FNDC1: variants seen among roughly 807,000 people sequenced by gnomAD.
FNDC1 encodes the protein fibronectin type III domain containing 1.
FNDC1 carries 96 observed loss-of-function variants against 168.0 expected under a neutral mutation model. The ratio of observed to expected loss-of-function variants is 0.57; its 90% CI spans 0.48 to 0.68. FNDC1 has a LOEUF of 0.68. Ranked by LOEUF, FNDC1 falls within the 30% of genes least tolerant of loss-of-function variation. FNDC1 has a pLI of 0.00. For synonymous variants in FNDC1, 1,099 were observed against 1,025.9 expected (o/e 1.07, Z -1.36); for missense variants, 2,587 against 2,482.1 (o/e 1.04, Z -0.90).
At chr6:159,203,633 A>G (rs568314603) in intron 4 of FNDC1, among the ~76,000 whole-genome samples, 31 of 152,336 alleles carry the variant, frequency 2.0e-4, no homozygotes, top group Non-Finnish European at 4.3e-4. Flanking sequence ...CTGGGATGGA[A>G]ACCTGTATCC....
Position 159,229,922 on chromosome 6 carries a change from C to T in FNDC1, c.1288C>T (p.Arg430Cys), listed in dbSNP as rs1017876993. Residue 430 changes from arginine to cysteine, a missense_variant, in exon 10 of 23, where the codon CGC (arginine) becomes TGC (cysteine). Coordinates refer to ENST00000297267, the MANE Select transcript of FNDC1 (RefSeq NM_032532.3). ...ALVDGLQPGE[R>C]YLFKIRATNR... ...GGTGGATGGTCTGCAGCCTGGGGAA[C>T]GCTATCTTTTCAAAATCCGGGCCAC... 16 of 1,613,800 alleles carry T rather than the reference C, an allele frequency of 9.9e-6. No homozygotes were observed. Among genetic ancestry groups the T allele is most frequent in the Admixed American group, 1.7e-5 (1 of 59,996 alleles).
At position 159,256,748 on chromosome 6, in the gene FNDC1, T is replaced by C. The variant is rs145481222; in HGVS notation, c.5174+117T>C. 1.9e-3 allele frequency: 1,421 copies of C among 765,102 alleles called. 20 individuals carry two copies. Among genetic ancestry groups the C allele is most frequent in the East Asian group, 0.018 (729 of 40,806 alleles). The allele number at this position is 765,102 out of a possible 1,614,324, so 47.4% of individuals were successfully genotyped here. ...TTTTGTGATTTCTTTGAATACCCTG[T>C]TTGGTTCTAATAGAATGTCAATGCA... is the stretch of plus-strand genomic sequence containing the variant. On this transcript the variant is annotated intron_variant, in intron 18 of 22. Transcript: ENST00000297267.
chr6:159,254,051 G>A (rs571654443), intron 17 of FNDC1, among the ~76,000 whole-genome samples: 1 of 152,358 alleles, frequency 6.6e-6, no homozygotes, highest in South Asian at 2.1e-4. Context: ...ACAGTGTGGG[G>A]AGGGCTCCAG....
intron 22 of FNDC1, among the ~76,000 whole-genome samples, chr6:159,269,537 T>C (rs1221041879): frequency 6.6e-6 from 1 of 150,674 alleles, no homozygotes; most frequent in Non-Finnish European, 1.5e-5. Flanking sequence ...CATCCATCCA[T>C]CCATCCATCC....
intron 1 of FNDC1, among the ~76,000 whole-genome samples, chr6:159,194,962 A>G (rs997616840): frequency 3.3e-5 from 5 of 152,128 alleles, no homozygotes; most frequent in African/African-American, 1.2e-4. Flanking sequence ...ATCAAAGTCA[A>G]TGGGAATCCA....
chr6:159,267,613 A>C (rs1438174359), intron 21 of FNDC1, among the ~76,000 whole-genome samples, 191 bp from the exon 22 acceptor site: 1 of 152,120 alleles, frequency 6.6e-6, no homozygotes, highest in African/African-American at 2.4e-5. Context: ...GCATACTTTG[A>C]TCTTGCTGAA....
intron 4 of FNDC1, among the ~76,000 whole-genome samples, chr6:159,205,844 C>T (rs1189221400): frequency 6.6e-6 from 1 of 152,168 alleles, no homozygotes; most frequent in Admixed American, 6.5e-5. Flanking sequence ...TGTTTTAGGT[C>T]ATTGCATTCA....
At position 159,233,480 on chromosome 6, in the gene FNDC1, C is replaced by T. The variant is rs907715758; in HGVS notation, c.2968C>T (p.Pro990Ser). 6.2e-7 allele frequency: 1 copy of T among 1,604,994 alleles called. No individual in the cohort carries two copies. Among genetic ancestry groups the T allele is most frequent in the Non-Finnish European group, 8.5e-7 (1 of 1,178,500 alleles). Residue 990 changes from proline to serine, a missense_variant, in exon 11 of 23, where the codon CCC becomes TCC. Pro to Ser is a moderately conservative substitution (Grantham distance 74, BLOSUM62 -1). Coordinates refer to ENST00000297267, the MANE Select transcript of FNDC1 (RefSeq NM_032532.3). The surrounding 1 kb of genome is among the most constrained non-coding windows in gnomAD (Gnocchi z 4.6). ...GCCCGCAGCACGGTCACAGCAGCAT[C>T]CCAGTGTTCCCAGAAGGATGACACC... ...RPPAARSQQH[P>S]SVPRRMTPGR...
At chr6:159,253,355 G>A (rs929688395) in intron 17 of FNDC1, among the ~76,000 whole-genome samples, 7 of 152,154 alleles carry the variant, frequency 4.6e-5, no homozygotes, top group Admixed American at 3.3e-4. Context: ...ACCAAACACC[G>A]GCTCTTTCAT....
At chr6:159,174,494 T>TC (rs1375675461) in intron 1 of FNDC1, among the ~76,000 whole-genome samples, 2 of 152,278 alleles carry the variant, frequency 1.3e-5, no homozygotes, top group Non-Finnish European at 2.9e-5. Context: ...CGCAGGCCCT[T>TC]CCGTGCAGCC....
At chr6:159,173,591 T>C (rs1463413248) in intron 1 of FNDC1, among the ~76,000 whole-genome samples, 1 of 152,210 alleles carries the variant, frequency 6.6e-6, no homozygotes, top group Non-Finnish European at 1.5e-5. Context: ...GCATGATGAA[T>C]ATACTCTACC....
At chr6:159,208,439 C>A (rs1007090181) in intron 4 of FNDC1, among the ~76,000 whole-genome samples, 5 of 152,184 alleles carry the variant, frequency 3.3e-5, no homozygotes, top group African/African-American at 1.2e-4. Context: ...CATATCCATG[C>A]AAGCAACTGT....
chr6:159,254,808 C>G lies in FNDC1; in HGVS notation c.5066-1715C>G, dbSNP rs537471722. On this transcript the variant is annotated intron_variant, in intron 17 of 22. Coordinates refer to ENST00000297267, the MANE Select transcript of FNDC1 (RefSeq NM_032532.3). The stretch of plus-strand genomic sequence containing the variant: ...GTGTTTCCCATTTCAGAGAACTGTC[C>G]CACTTTCCACACATTTGCTCAAGCC... 2.0e-4 allele frequency among the ~76,000 whole-genome samples: 30 copies of G among 152,182 alleles called. No homozygotes were observed. The Middle Eastern group carries it at 0.01, about 52-fold the overall frequency.
At chr6:159,211,028 C>T (rs935106706) in intron 4 of FNDC1, among the ~76,000 whole-genome samples, 8 of 152,168 alleles carry the variant, frequency 5.3e-5, no homozygotes, top group Admixed American at 2.6e-4. Flanking sequence ...ACCATGGCTC[C>T]GGCCTAAATG....
At chr6:159,239,988 T>C in intron 14 of FNDC1, 31 bp downstream of exon 14, 1 of 1,454,880 alleles carries the variant, frequency 6.9e-7, no homozygotes, top group Non-Finnish European at 9.1e-7. Context: ...GCTAACTACT[T>C]ACCAGGCACA....
rs1005110449 is a variant in FNDC1, at chr6:159,249,250, C to T, written c.4834+68C>T. ...TTGTGGTCTTTGAAGAAAAACATTACTAATCTTTTGGCCTCGCCAAGGCAG... is the reference window on the plus strand; with the variant it reads ...TTGTGGTCTTTGAAGAAAAACATTATTAATCTTTTGGCCTCGCCAAGGCAG... On this transcript the variant is annotated intron_variant, in intron 16 of 22. Transcript: ENST00000297267. 10 of 1,458,230 alleles carry T rather than the reference C, an allele frequency of 6.9e-6. No individual in the cohort carries two copies. The Admixed American group carries it at 1.8e-4, about 27-fold the overall frequency. The allele number at this position is 1,458,230 out of a possible 1,614,324, so 90.3% of individuals were successfully genotyped here.
intron 22 of FNDC1, among the ~76,000 whole-genome samples, chr6:159,268,478 A>G (rs1365428732): frequency 6.6e-6 from 1 of 152,230 alleles, no homozygotes; most frequent in Non-Finnish European, 1.5e-5. Context: ...AATAAAATAC[A>G]GTAAAATACA....
intron 20 of FNDC1, among the ~76,000 whole-genome samples, chr6:159,265,857 G>A (rs1438778584): frequency 6.6e-6 from 1 of 152,162 alleles, no homozygotes; most frequent in Non-Finnish European, 1.5e-5. Context: ...GAACCCGGGA[G>A]GTGGAGGTTG....
At chr6:159,269,058 G>A (rs200482044) in intron 22 of FNDC1, among the ~76,000 whole-genome samples, 9 of 136,930 alleles carry the variant, frequency 6.6e-5, no homozygotes, top group Admixed American at 3.0e-4. Context: ...CTATCTATCT[G>A]TCTATCTATC....
Sources: allele counts gnomAD v4.1 joint callset (sites outside exome capture counted in the v4.1 genomes callset), GRCh38; gene constraint gnomAD v4.1.1; non-coding constraint Gnocchi (gnomAD v3.1); transcripts MANE v1.5; gene names NCBI Gene and HGNC (gene_info 2026-07-23, HGNC 2026-07-21).